The following SUN2 variants were observed in gnomAD, a reference collection of about 807,000 sequenced individuals.
The protein encoded by SUN2 is Sad1 and UNC84 domain containing 2.
In SUN2, 60 loss-of-function variants were observed where a neutral mutation model predicts 100.0. The observed-to-expected ratio is 0.60, with a 90% CI of 0.49 to 0.74. The LOEUF is 0.74. SUN2 is among the 30% of genes least tolerant of loss of function. SUN2 has a pLI of 0.00. For synonymous variants in SUN2, 367 were observed against 403.3 expected (o/e 0.91, Z 1.08); for missense variants, 834 against 954.6 (o/e 0.87, Z 1.66).
chr22:38,752,506 C>A lies in SUN2; in HGVS notation c.122+1G>T, dbSNP rs947385949. Reference sequence around the variant, plus strand: ...GCCGTGGCACTCCCTTGGGTCCCTACCTGAGAGGACTGTCTTTAAACAGGG... The same window carrying A: ...GCCGTGGCACTCCCTTGGGTCCCTAACTGAGAGGACTGTCTTTAAACAGGG... On this transcript the variant is annotated splice_donor_variant, in intron 2 of 17. Transcript: ENST00000689035. LOFTEE classifies it high-confidence loss of function. The A allele has an allele frequency of 6.2e-7, 1 of 1,609,822 alleles. No homozygotes were observed. Among genetic ancestry groups the A allele is most frequent in the African/African-American group, 1.3e-5 (1 of 74,878 alleles).
intron 6 of SUN2, 126 bp downstream of exon 6, chr22:38,749,640 C>T (rs957696199): frequency 1.1e-6 from 1 of 877,514 alleles, no homozygotes; most frequent in East Asian, 2.7e-5. Flanking sequence ...TCCGTGATCG[C>T]TAATAAAGGC....
intron 8 of SUN2, chr22:38,743,234 G>C (rs936435036): frequency 6.6e-6 from 1 of 152,228 alleles, no homozygotes; most frequent in Non-Finnish European, 1.5e-5. Flanking sequence ...GAGCAGCAGA[G>C]GTTCTGAGTT....
In SUN2 at chr22:38,739,166, C is replaced by T. The variant is rs188269929; in HGVS notation, c.1663+176G>A. 9 of 894,114 alleles carry T rather than the reference C, an allele frequency of 1.0e-5. No individual in the cohort carries two copies. Among genetic ancestry groups the T allele is most frequent in the African/African-American group, 3.3e-5 (2 of 60,758 alleles). The allele number at this position is 894,114 out of a possible 1,614,324, so 55.4% of individuals were successfully genotyped here. ...CCTCTCCCTGGCCCAGGATGGTACT[C>T]GGTACGTCCTGACTTCCCTGAATTG... On this transcript the variant is annotated intron_variant, in intron 14 of 17. Transcript: ENST00000689035. The surrounding 1 kb of genome is among the most constrained non-coding windows in gnomAD (Gnocchi z 6.7).
At chr22:38,745,168 G>A (rs1240366247) in intron 8 of SUN2, 2 of 471,072 alleles carry the variant, frequency 4.2e-6, no homozygotes, top group Non-Finnish European at 4.4e-6. Flanking sequence ...AGAAACAGCT[G>A]GGGCTAGCCT....
Position 38,740,711 on chromosome 22 carries a change from G to C in SUN2, c.1191-279C>G. On this transcript the variant is annotated intron_variant, in intron 11 of 17. Coordinates refer to ENST00000689035, the MANE Select transcript of SUN2 (RefSeq NM_015374.3). This position sits in a 1 kb window ranked among gnomAD's most constrained non-coding sequence, Gnocchi z 4.8. ...ACATCCTCCACAAGCATGGACATCT[G>C]GGGCATGAGAAGGCAGTTATGTGAG... The C allele has an allele frequency of 1.7e-6, 1 of 583,664 alleles. No individual in the cohort carries two copies. The highest frequency in any genetic ancestry group is 3.1e-6 in the Non-Finnish European group (1 of 327,630). 36.2% of individuals were successfully genotyped at this position (583,664 alleles called of 1,614,324 possible). A position where few individuals can be genotyped will look rare whatever the true frequency, so the allele number is the denominator to read the frequency against.
chr22:38,746,527 T>G (rs886170879), intron 7 of SUN2, among the ~76,000 whole-genome samples: 3 of 152,156 alleles, frequency 2.0e-5, no homozygotes, highest in Admixed American at 1.3e-4. Flanking sequence ...AAAAGGAAGC[T>G]CATGCCCATG....
chr22:38,755,311 T>G lies in SUN2; in HGVS notation c.-38+452A>C, dbSNP rs764035778. 9.0e-6 allele frequency: 10 copies of G among 1,112,578 alleles called. No homozygotes were observed. Among genetic ancestry groups the G allele is most frequent in the Non-Finnish European group, 1.1e-5 (10 of 903,602 alleles). The allele number at this position is 1,112,578 out of a possible 1,614,324, so 68.9% of individuals were successfully genotyped here. Reference sequence around the variant, plus strand: ...ACCAAAGGCGCGCCTCCTGGCTCTCTAAGTCACACCGCGCCCCCCATTGCT... The same window carrying G: ...ACCAAAGGCGCGCCTCCTGGCTCTCGAAGTCACACCGCGCCCCCCATTGCT... On this transcript the variant is annotated intron_variant, in intron 1 of 17. Transcript: ENST00000689035. The surrounding 1 kb of genome is among the most constrained non-coding windows in gnomAD (Gnocchi z 5.7).
chr22:38,750,965 C>T lies in SUN2; in HGVS notation c.357G>A (p.Val119=), dbSNP rs1603229883. Residue 119 remains valine, a synonymous_variant, in exon 4 of 18, where the codon GTG becomes GTA. Coordinates refer to ENST00000689035, the MANE Select transcript of SUN2 (RefSeq NM_015374.3). ...GGAAGTCCTCGGTGGCCTTGCGCCC[C>T]ACAAGCCCGCTGGCCCTGCTGCTCT... is the stretch of plus-strand genomic sequence containing the variant. ...GSESSRASGL[V]GRKATEDFLG... 1 of 1,613,814 alleles carries T rather than the reference C, an allele frequency of 6.2e-7. No homozygotes were observed. The highest frequency in any genetic ancestry group is 1.7e-5 in the Admixed American group (1 of 60,010).
Position 38,736,226 on chromosome 22 carries a change from C to G in SUN2, c.*41G>C. On this transcript the variant is annotated 3_prime_UTR_variant, in exon 18 of 18. Transcript: ENST00000689035. Reference sequence around the variant, plus strand: ...GGGGGAAGCGGCGGGGTGCTGTTCACCCACTCCCAGATGGCTGGCAGCAGG... The same window carrying G: ...GGGGGAAGCGGCGGGGTGCTGTTCAGCCACTCCCAGATGGCTGGCAGCAGG... 6.3e-7 allele frequency: 1 copy of G among 1,581,274 alleles called. No individual in the cohort carries two copies. The highest frequency in any genetic ancestry group is 8.7e-7 in the Non-Finnish European group (1 of 1,153,952).
In SUN2 at chr22:38,740,265, ACGT is replaced by A. The variant is rs1569296481; in HGVS notation, c.1355_1356+1del. The A allele has an allele frequency of 6.4e-7, 1 of 1,571,532 alleles. No individual in the cohort carries two copies. Among genetic ancestry groups the A allele is most frequent in the South Asian group, 1.2e-5 (1 of 85,588 alleles). On this transcript the variant is annotated splice_donor_variant and coding_sequence_variant, in exon 12 of 18. Transcript: ENST00000689035. LOFTEE classifies it high-confidence loss of function. The surrounding 1 kb of genome is among the most constrained non-coding windows in gnomAD (Gnocchi z 4.8). ...AGCAGGGCCCTGGTGGTTCCCACTC[ACGT>A]CGTCCCGCACGGCCTGGATCTGCTG...
rs1051031562 is a variant in SUN2, at chr22:38,745,745, G to A, written c.752C>T (p.Ala251Val). The A allele has an allele frequency of 3.0e-5, 49 of 1,613,880 alleles. No individual in the cohort carries two copies. The highest frequency in any genetic ancestry group is 4.0e-5 in the African/African-American group (3 of 74,894). Residue 251 changes from alanine to valine, a missense_variant, in exon 8 of 18, where the codon GCG (alanine) becomes GTG (valine). By Grantham distance (64) the Ala-to-Val change is moderately conservative. This residue lies in a region of SUN2 where 559 missense variants were observed against 597.7 expected (regional missense o/e 0.94). Coordinates refer to ENST00000689035, the MANE Select transcript of SUN2 (RefSeq NM_015374.3). The part of the protein sequence containing the change: ...FHPALVSWWA[A>V]KDSRRPDEGW... ...CTCATCCGGCCTCCTGCTGTCCTTC[G>A]CTGCCCACCAGGAAACCAAAGCAGG... is the stretch of plus-strand genomic sequence containing the variant.
chr22:38,738,790 T>G lies in SUN2; in HGVS notation c.1780-36A>C. ...AGAAAGTCATGTCAGGACAGGGCCC[T>G]GAGTCCAGCTCTTGCTGACCCCAGA... On this transcript the variant is annotated intron_variant, in intron 15 of 17. Transcript: ENST00000689035. This position sits in a 1 kb window ranked among gnomAD's most constrained non-coding sequence, Gnocchi z 6.6. The G allele has an allele frequency of 6.2e-7, 1 of 1,606,692 alleles. No individual in the cohort carries two copies. Among genetic ancestry groups the G allele is most frequent in the Non-Finnish European group, 8.5e-7 (1 of 1,175,236 alleles).
rs901495726 is a variant in SUN2, at chr22:38,745,706, C to G, written c.791G>C (p.Arg264Thr). Reference protein sequence around the residue: ...SRRPDEGWEARDSSPHFQAEQ... With the variant: ...SRRPDEGWEATDSSPHFQAEQ... The stretch of plus-strand genomic sequence containing the variant: ...CACCTGGAAATGTGGCGATGAGTCT[C>G]TGGCTTCCCAGCCCTCATCCGGCCT... The change falls in exon 8 of 18, where the codon AGA (arginine) becomes ACA (threonine). Residue 264 changes from arginine to threonine, a missense_variant. Physicochemically the swap from Arg to Thr is moderately conservative, Grantham distance 71. Around this residue, in one of 3 missense-constraint regions of SUN2, gnomAD observed 559 missense variants for 597.7 expected, o/e 0.94. Transcript: ENST00000689035. 1 of 1,613,904 alleles carries G rather than the reference C, an allele frequency of 6.2e-7. No homozygotes were observed. Among genetic ancestry groups the G allele is most frequent in the Admixed American group, 1.7e-5 (1 of 60,030 alleles).
At chr22:38,749,569 G>C (rs1004506772) in intron 6 of SUN2, among the ~76,000 whole-genome samples, 197 bp downstream of exon 6, 1 of 152,190 alleles carries the variant, frequency 6.6e-6, no homozygotes, top group Non-Finnish European at 1.5e-5. Context: ...TCAATTCGGG[G>C]AGAAGAACCT....
intron 2 of SUN2, among the ~76,000 whole-genome samples, chr22:38,752,057 C>A (rs1297584407): frequency 6.6e-6 from 1 of 152,202 alleles, no homozygotes; most frequent in Non-Finnish European, 1.5e-5. Context: ...TCACTGCAAC[C>A]TCTGCCTGCC....
At chr22:38,751,095 C>G in intron 3 of SUN2, 60 bp from the exon 4 acceptor site, 1 of 1,610,334 alleles carries the variant, frequency 6.2e-7, no homozygotes. Flanking sequence ...AAAGTGGGGT[C>G]TGGGCAGAGA....
At position 38,739,303 on chromosome 22, in the gene SUN2, G is replaced by T; in HGVS notation, c.1663+39C>A. The T allele has an allele frequency of 6.2e-7, 1 of 1,604,346 alleles. No homozygotes were observed. On this transcript the variant is annotated intron_variant, in intron 14 of 17. Coordinates refer to ENST00000689035, the MANE Select transcript of SUN2 (RefSeq NM_015374.3). This position sits in a 1 kb window ranked among gnomAD's most constrained non-coding sequence, Gnocchi z 6.7. ...ATGCCAGGGGACCGGCCATTGCGGG[G>T]TCCAGGACAAGGCAGAGCGAGGAAA...
At chr22:38,744,132 C>T (rs565518071) in intron 8 of SUN2, among the ~76,000 whole-genome samples, 10 of 151,804 alleles carry the variant, frequency 6.6e-5, no homozygotes, top group Admixed American at 1.3e-4. Context: ...CCCAGCTACT[C>T]GGGACGCTGA....
chr22:38,735,815 A>G lies in SUN2; in HGVS notation c.*452T>C. The G allele has an allele frequency of 6.1e-6, 1 of 163,670 alleles. No individual in the cohort carries two copies. Among genetic ancestry groups the G allele is most frequent in the Non-Finnish European group, 1.3e-5 (1 of 74,268 alleles). The allele number at this position is 163,670 out of a possible 1,614,324, so 10.1% of individuals were successfully genotyped here. On this transcript the variant is annotated 3_prime_UTR_variant, in exon 18 of 18. Coordinates refer to ENST00000689035, the MANE Select transcript of SUN2 (RefSeq NM_015374.3). ...CTGGGGAAGTCCCATCCTGCTCTGG[A>G]GCTAAGCACCCTCCTCCCAGAGGGC... is the stretch of plus-strand genomic sequence containing the variant.
Sources: allele counts gnomAD v4.1 joint callset (sites outside exome capture counted in the v4.1 genomes callset), GRCh38; gene constraint gnomAD v4.1.1; regional missense constraint gnomAD v4.1.1; non-coding constraint Gnocchi (gnomAD v3.1); transcripts MANE v1.5; gene names NCBI Gene and HGNC (gene_info 2026-07-23, HGNC 2026-07-21).